Variants in FBN2 observed in about 807,000 individuals in gnomAD.
FBN2 encodes fibrillin-2.
A neutral mutation model predicts 355.6 loss-of-function variants in FBN2; 105 were observed. The ratio of observed to expected loss-of-function variants is 0.30; its 90% CI spans 0.25 to 0.35. The LOEUF is 0.35. Among genes scored for constraint, FBN2 ranks in the 10% least tolerant of loss-of-function variants. The pLI is 1.00. For missense variants in FBN2, 3,280 were observed against 3,758.7 expected, an observed-to-expected ratio of 0.87 and a Z score of 3.33; for synonymous variants, 1,350 against 1,301.2, an observed-to-expected ratio of 1.04 and a Z score of -0.81.
At chr5:128,451,914 A>G (rs771431521) in intron 6 of FBN2, among the ~76,000 whole-genome samples, 1 of 152,224 alleles carries the variant, frequency 6.6e-6, no homozygotes, top group Non-Finnish European at 1.5e-5. Context: ...AAAGAAAAAC[A>G]ATTCAGCATC....
At chr5:128,357,205 G>C in intron 20 of FBN2, 71 bp downstream of exon 20, 1 of 1,582,414 alleles carries the variant, frequency 6.3e-7, no homozygotes, top group Non-Finnish European at 8.7e-7. Context: ...GTTTTTATCC[G>C]TAGTAAGGCC....
chr5:128,268,284 T>A (rs1581175881), intron 62 of FBN2, among the ~76,000 whole-genome samples: 1 of 152,202 alleles, frequency 6.6e-6, no homozygotes, highest in Admixed American at 6.5e-5. Context: ...AAGAAATGGA[T>A]AAATTCCTGG....
At chr5:128,422,699 C>A (rs1036183415) in intron 7 of FBN2, among the ~76,000 whole-genome samples, 1 of 152,136 alleles carries the variant, frequency 6.6e-6, no homozygotes, top group Non-Finnish European at 1.5e-5. Context: ...AGTAATAGAA[C>A]TGAAGTTGAG....
intron 9 of FBN2, 140 bp downstream of exon 9, chr5:128,394,982 C>T (rs1367718100): frequency 1.0e-5 from 9 of 871,676 alleles, no homozygotes; most frequent in East Asian, 2.6e-5. Context: ...GACAGGATTT[C>T]GCCATGTTGC....
At chr5:128,306,048 T>C in intron 42 of FBN2, 100 bp from the exon 43 acceptor site, 1 of 1,219,968 alleles carries the variant, frequency 8.2e-7, no homozygotes, top group Non-Finnish European at 1.2e-6. Context: ...TGAGTACAAA[T>C]ATTCAGTGTC....
At chr5:128,414,901 T>G (rs186049167) in intron 7 of FBN2, among the ~76,000 whole-genome samples, 1 of 152,294 alleles carries the variant, frequency 6.6e-6, no homozygotes, top group Admixed American at 6.5e-5. Context: ...TTTCATGTCC[T>G]TATTTGCCGT....
chr5:128,488,646 C>T (rs922182512), intron 5 of FBN2, among the ~76,000 whole-genome samples: 5 of 147,330 alleles, frequency 3.4e-5, no homozygotes, highest in African/African-American at 7.5e-5. Context: ...TGCTATCCCT[C>T]CCCCTTCCCC....
At chr5:128,267,566 T>C (rs776644165) in intron 62 of FBN2, among the ~76,000 whole-genome samples, 10 of 152,244 alleles carry the variant, frequency 6.6e-5, no homozygotes, top group Non-Finnish European at 1.5e-4. Context: ...ATTTCTCTAA[T>C]AATCAGTGAT....
In FBN2 at chr5:128,344,453, G is replaced by C. The variant is rs757054669; in HGVS notation, c.3275C>G (p.Thr1092Arg). The C allele has an allele frequency of 1.2e-6, 2 of 1,613,216 alleles. No homozygotes were observed. Among genetic ancestry groups the C allele is most frequent in the South Asian group, 2.2e-5 (2 of 91,064 alleles). Residue 1092 changes from threonine to arginine, a missense_variant, in exon 25 of 65, where the codon ACA becomes AGA. Coordinates refer to ENST00000262464, the MANE Select transcript of FBN2 (RefSeq NM_001999.4). ...GCAACGGCATTTGAAGCTTCCGATT[G>C]TATTTCTGCACTTCCCATAAGTGCA... The part of the protein sequence containing the change: ...GMCTYGKCRN[T>R]IGSFKCRCNS...
At position 128,336,112 on chromosome 5, in the gene FBN2, A is replaced by G; in HGVS notation, c.3600T>C (p.Asp1200=). 1 of 1,613,322 alleles carries G rather than the reference A, an allele frequency of 6.2e-7. No individual in the cohort carries two copies. Among genetic ancestry groups the G allele is most frequent in the Non-Finnish European group, 8.5e-7 (1 of 1,179,628 alleles). ...TGTCACTCAGGGAGCATTCATTAAT[A>G]TCTATAAAAGATACACAGAAGTAAT... The part of the protein sequence containing the change: ...ELSPSREDCV[D]INECSLSDNL... Residue 1200 remains aspartate, a splice_region_variant and synonymous_variant, in exon 28 of 65, where the codon GAT becomes GAC. Transcript: ENST00000262464.
Position 128,305,612 on chromosome 5 carries a change from T to A in FBN2, c.5573A>T (p.Asp1858Val). ...GTCTGCATTCCGCTGGCAGAGATTATCACCATTGCTGCACTCATCTATATC... is the reference window on the plus strand; with the variant it reads ...GTCTGCATTCCGCTGGCAGAGATTAACACCATTGCTGCACTCATCTATATC... ...CEDIDECSNGDNLCQRNADCI... is the reference protein window; with the variant it reads ...CEDIDECSNGVNLCQRNADCI... The change falls in exon 44 of 65, where the codon GAT becomes GTT. Residue 1858 changes from aspartate to valine, a missense_variant. By Grantham distance (152) the Asp-to-Val change is radical (BLOSUM62 -3). Coordinates refer to ENST00000262464, the MANE Select transcript of FBN2 (RefSeq NM_001999.4). The A allele has an allele frequency of 6.2e-7, 1 of 1,614,010 alleles. No individual in the cohort carries two copies. The highest frequency in any genetic ancestry group is 1.3e-5 in the African/African-American group (1 of 75,016).
At chr5:128,536,552 G>T in intron 1 of FBN2, 68 bp from the exon 2 acceptor site, 1 of 1,072,064 alleles carries the variant, frequency 9.3e-7, no homozygotes, top group Non-Finnish European at 1.4e-6. Flanking sequence ...AACGGTCTTC[G>T]TAAGCAATGC....
At chr5:128,510,766 T>C (rs1373719559) in intron 5 of FBN2, among the ~76,000 whole-genome samples, 2 of 152,190 alleles carry the variant, frequency 1.3e-5, no homozygotes, top group Non-Finnish European at 2.9e-5. Flanking sequence ...TTTAATTCAA[T>C]GGTATCATGT....
intron 5 of FBN2, among the ~76,000 whole-genome samples, chr5:128,481,050 A>G (rs530761215): frequency 6.6e-6 from 1 of 152,294 alleles, no homozygotes; most frequent in South Asian, 2.1e-4. Flanking sequence ...TCTATTATTC[A>G]AGCTCCCTAT....
chr5:128,376,888 C>T lies in FBN2; in HGVS notation c.1850-35G>A, dbSNP rs759503266. The stretch of plus-strand genomic sequence containing the variant: ...AGGATTGAGTGACTTTGAACACTGG[C>T]CTTGAGGGAACCAATTCCTTCTTCT... On this transcript the variant is annotated intron_variant, in intron 13 of 64. Transcript: ENST00000262464. 38 of 1,610,776 alleles carry T rather than the reference C, an allele frequency of 2.4e-5. No individual in the cohort carries two copies. The East Asian group carries it at 6.9e-4, about 29-fold the overall frequency.
At chr5:128,384,687 CACAGGGT>C (rs1752320722) in intron 11 of FBN2, among the ~76,000 whole-genome samples, 2 of 152,042 alleles carry the variant, frequency 1.3e-5, no homozygotes, top group Admixed American at 1.3e-4. Flanking sequence ...TATTCTTCAA[CACAGGGT>C]ACATGGGCTG....
chr5:128,476,804 T>C (rs1755015865), intron 5 of FBN2, among the ~76,000 whole-genome samples: 1 of 152,206 alleles, frequency 6.6e-6, no homozygotes, highest in Non-Finnish European at 1.5e-5. Context: ...ATCAAGTCCT[T>C]AGTCACAGCA....
intron 8 of FBN2, among the ~76,000 whole-genome samples, chr5:128,407,341 A>G: frequency 6.6e-6 from 1 of 152,208 alleles, no homozygotes; most frequent in Non-Finnish European, 1.5e-5. Flanking sequence ...ACCATATGAC[A>G]TATTTATATA....
chr5:128,285,386 G>T (rs1749119622), intron 55 of FBN2, among the ~76,000 whole-genome samples: 1 of 152,048 alleles, frequency 6.6e-6, no homozygotes, highest in Non-Finnish European at 1.5e-5. Context: ...GTTTTGTGAT[G>T]ATCAAAAAAA....
Sources: gnomAD v4.1 joint callset for allele counts (sites outside exome capture counted in the v4.1 genomes callset) on GRCh38, gnomAD v4.1.1 for gene constraint, MANE v1.5 for transcripts, NCBI Gene and HGNC (gene_info 2026-07-23, HGNC 2026-07-21) for gene names.